Variants in DOCK11 observed in about 807,000 individuals in gnomAD.
DOCK11 encodes dedicator of cytokinesis protein 11.
Under a neutral mutation model 169.1 loss-of-function variants are expected in DOCK11, and 70 were observed. That is an observed-to-expected ratio of 0.41 (90% confidence interval 0.34 to 0.51). The LOEUF is 0.51. Among genes scored for constraint, DOCK11 ranks in the 20% least tolerant of loss-of-function variants. DOCK11 has a pLI of 0.10. For missense variants in DOCK11, 1,166 were observed against 1,538.8 expected (o/e 0.76, Z 4.05); for synonymous variants, 529 against 541.3 (o/e 0.98, Z 0.32).
chrX:118,636,894 G>T (rs1314829752), intron 36 of DOCK11, among the ~76,000 whole-genome samples: 2 of 111,694 alleles, frequency 1.8e-5, no homozygotes, highest in Non-Finnish European at 3.8e-5. Flanking sequence ...AAGACTCTTG[G>T]GGGGAAACCT....
chrX:118,517,676 C>A (rs12556229), intron 1 of DOCK11, among the ~76,000 whole-genome samples: 3,352 of 110,775 alleles, frequency 0.03, 59 homozygotes, highest in Non-Finnish European at 0.048. Flanking sequence ...TAGTGCTTTG[C>A]GTATCTCAGA....
At chrX:118,538,933 A>G (rs2011859056) in intron 1 of DOCK11, among the ~76,000 whole-genome samples, 1 of 112,173 alleles carries the variant, frequency 8.9e-6, no homozygotes, top group African/African-American at 3.2e-5. Flanking sequence ...ATAATTCTAT[A>G]GGTCAAAAGG....
intron 10 of DOCK11, among the ~76,000 whole-genome samples, chrX:118,569,091 C>CTTTTTTTTTTTTTTTTTTTTTTTT (rs1186200391): frequency 8.9e-5 from 4 of 44,991 alleles, no homozygotes; most frequent in South Asian, 2.1e-3. Context: ...TCTTTCTTTC[C>CTTTTTTTTTTTTTTTTTTTTTTTT]TTTTTTTTTT....
intron 30 of DOCK11, among the ~76,000 whole-genome samples, chrX:118,618,013 C>A (rs1039696703): frequency 4.5e-5 from 5 of 111,916 alleles, no homozygotes; most frequent in Non-Finnish European, 9.4e-5. Context: ...AGACTGTTTT[C>A]CTTATTGTTC....
intron 45 of DOCK11, among the ~76,000 whole-genome samples, chrX:118,668,225 T>A (rs6655486): frequency 8.9e-6 from 1 of 111,913 alleles, no homozygotes; most frequent in Non-Finnish European, 1.9e-5. Context: ...GCCTTTAAGG[T>A]TTTTAGTAAA....
chrX:118,578,912 T>C (rs1408097630), intron 13 of DOCK11, among the ~76,000 whole-genome samples: 1 of 112,006 alleles, frequency 8.9e-6, no homozygotes, highest in African/African-American at 3.2e-5. Context: ...TCCTTGACAA[T>C]AGCCGTTCTT....
At chrX:118,669,991 C>G (rs772072999) in intron 45 of DOCK11, among the ~76,000 whole-genome samples, 1 of 111,655 alleles carries the variant, frequency 9.0e-6, no homozygotes, top group South Asian at 3.8e-4. Flanking sequence ...CCACCCTACT[C>G]CAGTATTGCT....
rs747756212 is a variant in DOCK11 at position 118,626,427 on chromosome X, G to A, written c.3589-1077G>A. ...TTTCCAAATATGCTTCAGTTTACCA[G>A]TAACCCTATTAAAATACAATGTCCA... is the stretch of plus-strand genomic sequence containing the variant. On this transcript the variant is annotated intron_variant, in intron 32 of 52. Transcript: ENST00000276202. 2.7e-5 allele frequency among the ~76,000 whole-genome samples: 3 copies of A among 111,353 alleles called. No individual in the cohort carries two copies. The Admixed American group carries it at 2.9e-4, about 11-fold the overall frequency.
intron 1 of DOCK11, among the ~76,000 whole-genome samples, chrX:118,530,060 G>A (rs1481573139): frequency 8.9e-6 from 1 of 112,440 alleles, no homozygotes; most frequent in East Asian, 2.8e-4. Context: ...GGACCATTTT[G>A]GATCAAATTA....
intron 1 of DOCK11, among the ~76,000 whole-genome samples, chrX:118,498,252 T>C (rs2057550840): frequency 8.9e-6 from 1 of 112,712 alleles, no homozygotes; most frequent in Non-Finnish European, 1.9e-5. Context: ...CTAGATGCTC[T>C]ATAATTATGA....
In DOCK11 at chrX:118,507,689, C is replaced by T. The variant is rs139403875; in HGVS notation, c.102+11616C>T. On this transcript the variant is annotated intron_variant, in intron 1 of 52. Coordinates refer to ENST00000276202, the MANE Select transcript of DOCK11 (RefSeq NM_144658.4). ...TGACAAGACCTTGAGTTTTTATAGC[C>T]GAAATCTTAAGACTTAAAAATGCTG... Among the ~76,000 whole-genome samples, 496 of 111,622 alleles carry T rather than the reference C, an allele frequency of 4.4e-3. 4 individuals carry two copies. The highest frequency in any genetic ancestry group is 0.015 in the African/African-American group (469 of 30,782).
At chrX:118,625,634 C>T (rs1176826753) in intron 32 of DOCK11, among the ~76,000 whole-genome samples, 1 of 112,231 alleles carries the variant, frequency 8.9e-6, no homozygotes, top group Non-Finnish European at 1.9e-5. Flanking sequence ...TGGCTTCATA[C>T]ATTTATTCAA....
intron 12 of DOCK11, among the ~76,000 whole-genome samples, chrX:118,577,505 G>A (rs1272954047): frequency 8.9e-6 from 1 of 112,528 alleles, no homozygotes; most frequent in Non-Finnish European, 1.9e-5. Flanking sequence ...CAGAACCCAA[G>A]AAATTTGACA....
chrX:118,609,329 T>G lies in DOCK11; in HGVS notation c.2929T>G (p.Leu977Val). Reference protein sequence around the residue: ...IIAKSMATYLLEENKIKLPRG... With the variant: ...IIAKSMATYLVEENKIKLPRG... ...TGCAAAGTCAATGGCCACATACTTG[T>G]TGGAAGAGAATAAGATTAAGGTAAG... Residue 977 changes from leucine (L) to valine (V), a missense_variant, in exon 27 of 53, where the codon TTG (leucine) becomes GTG (valine). Transcript: ENST00000276202. The G allele has an allele frequency of 1.7e-6, 2 of 1,194,965 alleles. No individual in the cohort carries two copies. Among genetic ancestry groups the G allele is most frequent in the Admixed American group, 4.5e-5 (2 of 44,790 alleles).
chrX:118,601,174 A>T (rs2014325794), intron 23 of DOCK11, among the ~76,000 whole-genome samples: 1 of 111,574 alleles, frequency 9.0e-6, no homozygotes, highest in African/African-American at 3.3e-5. Flanking sequence ...CTGTAATCCC[A>T]GCACCTTGGG....
chrX:118,592,046 G>A (rs1482789384), intron 19 of DOCK11, among the ~76,000 whole-genome samples: 1 of 106,795 alleles, frequency 9.4e-6, no homozygotes, highest in Middle Eastern at 4.8e-3. Context: ...TGGACATTTG[G>A]GTTGGTTCCA....
At chrX:118,575,718 G>A (rs1470131725) in intron 12 of DOCK11, among the ~76,000 whole-genome samples, 3 of 112,192 alleles carry the variant, frequency 2.7e-5, no homozygotes, top group Non-Finnish European at 5.6e-5. Context: ...GAGGGATGGA[G>A]CAAGTAAAGT....
intron 1 of DOCK11, among the ~76,000 whole-genome samples, chrX:118,512,476 G>A (rs1276665976): frequency 8.9e-6 from 1 of 112,178 alleles, no homozygotes. Flanking sequence ...TGGCACCAAA[G>A]GGGTGAGTAG....
At chrX:118,625,290 G>T (rs1432052036) in intron 32 of DOCK11, among the ~76,000 whole-genome samples, 1 of 110,192 alleles carries the variant, frequency 9.1e-6, no homozygotes, top group East Asian at 2.9e-4. Flanking sequence ...GAATAGCTGG[G>T]ACTACAGGTG....
Sources: gnomAD v4.1 joint callset for allele counts (sites outside exome capture counted in the v4.1 genomes callset) on GRCh38, gnomAD v4.1.1 for gene constraint, MANE v1.5 for transcripts, NCBI Gene and HGNC (gene_info 2026-07-23, HGNC 2026-07-21) for gene names.